CACNA2D1: variants seen among roughly 807,000 people sequenced by gnomAD.
CACNA2D1 encodes calcium voltage-gated channel auxiliary subunit alpha2delta 1.
Under a neutral mutation model 171.5 loss-of-function variants are expected in CACNA2D1, and 53 were observed. The ratio of observed to expected loss-of-function variants is 0.31; its 90% confidence interval spans 0.25 to 0.39. CACNA2D1 has a LOEUF of 0.39. Ranked by LOEUF, CACNA2D1 falls within the 10% of genes least tolerant of loss-of-function variation. The pLI is 1.00. For missense variants in CACNA2D1, 903 were observed against 1,299.8 expected (o/e 0.69, Z 4.69); for synonymous variants, 442 against 443.1 (o/e 1.00, Z 0.03).
At chr7:82,032,084 G>A (rs37155) in intron 12 of CACNA2D1, among the ~76,000 whole-genome samples, 10 of 151,782 alleles carry the variant, frequency 6.6e-5, no homozygotes, top group East Asian at 3.9e-4. Flanking sequence ...ATAATAGGAC[G>A]GCTAGAAAAA....
rs1810248887 is a variant in CACNA2D1 at position 82,084,763 on chromosome 7, A to G, written c.658+6T>C. ...CTTGACAATGATTGAATCACTAAGCACCTACCTGGATAATATCGAGCTAGG... is the reference window on the plus strand; with the variant it reads ...CTTGACAATGATTGAATCACTAAGCGCCTACCTGGATAATATCGAGCTAGG... On this transcript the variant is annotated splice_donor_region_variant and intron_variant, in intron 7 of 38. Coordinates refer to ENST00000356860, the MANE Select transcript of CACNA2D1 (RefSeq NM_000722.4). 1 of 1,613,862 alleles carries G rather than the reference A, an allele frequency of 6.2e-7. No homozygotes were observed. The highest frequency in any genetic ancestry group is 1.1e-5 in the South Asian group (1 of 91,080).
intron 15 of CACNA2D1, 138 bp from the exon 16 acceptor site, chr7:82,007,894 ATATC>A: frequency 3.1e-6 from 2 of 643,622 alleles, no homozygotes; most frequent in Non-Finnish European, 5.6e-6. Context: ...CTCATTTTGA[ATATC>A]TATTAAAATT....
intron 31 of CACNA2D1, among the ~76,000 whole-genome samples, chr7:81,966,316 A>G (rs1418692169): frequency 1.3e-5 from 2 of 151,686 alleles, no homozygotes; most frequent in East Asian, 3.9e-4. Flanking sequence ...AAATAAAAAC[A>G]TGGTTTTCAA....
chr7:82,067,335 C>T (rs1446455563), intron 7 of CACNA2D1, among the ~76,000 whole-genome samples: 1 of 152,116 alleles, frequency 6.6e-6, no homozygotes, highest in Non-Finnish European at 1.5e-5. Flanking sequence ...CATGTTTAAA[C>T]ATATGACTCC....
chr7:82,246,446 A>G (rs376224040), intron 3 of CACNA2D1, among the ~76,000 whole-genome samples: 1 of 152,170 alleles, frequency 6.6e-6, no homozygotes, highest in Non-Finnish European at 1.5e-5. Flanking sequence ...TCTAAGAAAC[A>G]TCATAGAACA....
intron 3 of CACNA2D1, among the ~76,000 whole-genome samples, chr7:82,197,942 C>A (rs1799018954): frequency 1.3e-5 from 2 of 151,924 alleles, no homozygotes; most frequent in East Asian, 1.9e-4. Context: ...GGAATAAAGG[C>A]AAAATATATG....
At position 81,971,803 on chromosome 7, in the gene CACNA2D1, T is replaced by C; in HGVS notation, c.2115A>G (p.Gln705=). Residue 705 remains glutamine, a synonymous_variant, in exon 26 of 39, where the codon CAA becomes CAG. Coordinates refer to ENST00000356860, the MANE Select transcript of CACNA2D1 (RefSeq NM_000722.4). ...LDAGFTNELV[Q]NYWSKQKNIK... ...TATTTTTCTGCTTACTCCAGTAATT[T>C]TGGACAAGTTCATTTGTAAAGCCTG... 1 of 1,603,258 alleles carries C rather than the reference T, an allele frequency of 6.2e-7. No homozygotes were observed. The highest frequency in any genetic ancestry group is 8.5e-7 in the Non-Finnish European group (1 of 1,170,918).
intron 1 of CACNA2D1, among the ~76,000 whole-genome samples, chr7:82,417,627 G>A (rs577341822): frequency 5.3e-5 from 8 of 152,108 alleles, no homozygotes; most frequent in Non-Finnish European, 1.2e-4. Context: ...TAAAACCTTA[G>A]ATCAGTGGTT....
intron 5 of CACNA2D1, among the ~76,000 whole-genome samples, chr7:82,122,140 T>C (rs1190680921): frequency 1.3e-5 from 2 of 151,998 alleles, no homozygotes; most frequent in Admixed American, 1.3e-4. Context: ...GCAGCTGAAA[T>C]TGAGCAGTAA....
intron 1 of CACNA2D1, among the ~76,000 whole-genome samples, chr7:82,408,164 G>T (rs1440933517): frequency 2.6e-5 from 4 of 151,822 alleles, no homozygotes; most frequent in South Asian, 2.1e-4. Context: ...GGGATTACAG[G>T]CACCCACCAC....
chr7:82,109,675 C>A (rs1415947093), intron 6 of CACNA2D1, among the ~76,000 whole-genome samples: 2 of 152,120 alleles, frequency 1.3e-5, no homozygotes, highest in Non-Finnish European at 2.9e-5. Context: ...ATTGGAGGAA[C>A]ATGGTAATAT....
At chr7:82,207,663 A>G (rs1800148775) in intron 3 of CACNA2D1, among the ~76,000 whole-genome samples, 1 of 152,188 alleles carries the variant, frequency 6.6e-6, no homozygotes. Context: ...GAGGCCACAT[A>G]GTCACCTGCT....
chr7:82,349,307 T>C (rs1391057575), intron 2 of CACNA2D1, among the ~76,000 whole-genome samples: 2 of 151,846 alleles, frequency 1.3e-5, no homozygotes, highest in Non-Finnish European at 2.9e-5. Flanking sequence ...TTACGGAGAG[T>C]ATACATAACA....
chr7:82,172,034 ACTCTATAATATTGC>A (rs1002705173), intron 3 of CACNA2D1, among the ~76,000 whole-genome samples: 13 of 151,952 alleles, frequency 8.6e-5, no homozygotes, highest in Non-Finnish European at 1.6e-4. Context: ...TTTATCAGTG[ACTCTATAATATTGC>A]CTAGTGGGAG....
rs113820868 is a variant in CACNA2D1, at chr7:82,146,311, C to CGTGT, written c.355-9639_355-9636dup. 6.1e-4 allele frequency among the ~76,000 whole-genome samples: 82 copies of CGTGT among 134,638 alleles called. 1 individual carries two copies. The highest frequency in any genetic ancestry group is 9.2e-4 in the African/African-American group (35 of 37,862). 88.3% of individuals were successfully genotyped at this position (134,638 alleles called of 152,430 possible). On this transcript the variant is annotated intron_variant, in intron 4 of 38. Transcript: ENST00000356860. ...CTCATTTCTTCTACATATATATATA[C>CGTGT]GTGTGTGTGTGTGTGCGTGTGTGTG...
At chr7:82,433,011 C>T (rs1167302507) in intron 1 of CACNA2D1, among the ~76,000 whole-genome samples, 2 of 151,994 alleles carry the variant, frequency 1.3e-5, no homozygotes, top group Non-Finnish European at 2.9e-5. Flanking sequence ...TATGGTGAAG[C>T]CCCATCTCTA....
chr7:82,333,463 A>G (rs1817628174), intron 3 of CACNA2D1, among the ~76,000 whole-genome samples: 1 of 147,308 alleles, frequency 6.8e-6, no homozygotes, highest in Non-Finnish European at 1.5e-5. Context: ...AAGGCAAAGG[A>G]GGAGCAAAGT....
intron 6 of CACNA2D1, among the ~76,000 whole-genome samples, chr7:82,095,835 C>T (rs2129027202): frequency 6.6e-6 from 1 of 152,260 alleles, no homozygotes; most frequent in Non-Finnish European, 1.5e-5. Context: ...TCATCTGAAT[C>T]AGAGAGATTT....
At chr7:81,989,938 C>T (rs1797360877) in intron 21 of CACNA2D1, among the ~76,000 whole-genome samples, 1 of 152,138 alleles carries the variant, frequency 6.6e-6, no homozygotes. Flanking sequence ...AGTTGGGCTA[C>T]TAGCAGGAGA....
Sources: gnomAD v4.1 joint callset for allele counts (sites outside exome capture counted in the v4.1 genomes callset) on GRCh38, gnomAD v4.1.1 for gene constraint, MANE v1.5 for transcripts, NCBI Gene and HGNC (gene_info 2026-07-23, HGNC 2026-07-21) for gene names.